The following OSBPL1A variants were observed in gnomAD, a reference collection of about 807,000 sequenced individuals.
OSBPL1A encodes the protein oxysterol-binding protein-related protein 1.
OSBPL1A carries 80 observed loss-of-function variants against 137.1 expected under a neutral mutation model. That is an observed-to-expected ratio of 0.58 (90% CI 0.49 to 0.70). OSBPL1A has a LOEUF of 0.70. Ranked by LOEUF, OSBPL1A falls within the 30% of genes least tolerant of loss-of-function variation. The probability of loss-of-function intolerance (pLI) is 0.00; values close to 1 mark genes in which losing one functional copy is unlikely to be tolerated. For missense variants in OSBPL1A, 970 were observed against 1,129.4 expected (o/e 0.86, Z 2.02); for synonymous variants, 365 against 389.7 (o/e 0.94, Z 0.75).
intron 16 of OSBPL1A, among the ~76,000 whole-genome samples, chr18:24,225,530 A>G (rs906444567): frequency 2.6e-5 from 4 of 152,228 alleles, no homozygotes; most frequent in Admixed American, 1.3e-4. Context: ...TCCCTCACAA[A>G]GCATCTTAAG....
At chr18:24,191,154 A>C (rs1304758249) in intron 18 of OSBPL1A, among the ~76,000 whole-genome samples, 1 of 152,252 alleles carries the variant, frequency 6.6e-6, no homozygotes, top group Non-Finnish European at 1.5e-5. Flanking sequence ...CCAGAGGCCA[A>C]GAAGCCAATG....
intron 2 of OSBPL1A, among the ~76,000 whole-genome samples, chr18:24,372,350 G>A (rs1396991054): frequency 6.6e-6 from 1 of 151,848 alleles, no homozygotes; most frequent in East Asian, 1.9e-4. Context: ...TTGTTTCTGT[G>A]CTGTTGACTT....
chr18:24,387,734 A>G (rs561601107), intron 1 of OSBPL1A, among the ~76,000 whole-genome samples: 11 of 151,840 alleles, frequency 7.2e-5, no homozygotes, highest in African/African-American at 2.7e-4. Context: ...TTTCTCATCT[A>G]AGAACCATCC....
chr18:24,372,447 G>A lies in OSBPL1A; in HGVS notation c.122-4075C>T, dbSNP rs200677779. 2.6e-5 allele frequency among the ~76,000 whole-genome samples: 4 copies of A among 152,230 alleles called. No individual in the cohort carries two copies. In the East Asian group the frequency reaches 7.7e-4, roughly 29 times the overall value. ...TTCCTCAATGCTCAGAAAGCACAAA[G>A]CTGAACTCACCTGTCGTCCTCCGTA... On this transcript the variant is annotated intron_variant, in intron 2 of 27. Coordinates refer to ENST00000319481, the MANE Select transcript of OSBPL1A (RefSeq NM_080597.4).
At chr18:24,263,621 G>A (rs2089495981) in intron 15 of OSBPL1A, among the ~76,000 whole-genome samples, 1 of 152,008 alleles carries the variant, frequency 6.6e-6, no homozygotes, top group South Asian at 2.1e-4. Context: ...CATAGCATAA[G>A]GTAAAAATAT....
chr18:24,201,661 G>A (rs1267301116), intron 17 of OSBPL1A, among the ~76,000 whole-genome samples: 1 of 152,110 alleles, frequency 6.6e-6, no homozygotes, highest in Admixed American at 6.5e-5. Flanking sequence ...TACTCGGGAG[G>A]CTGAGGCAGG....
intron 12 of OSBPL1A, among the ~76,000 whole-genome samples, chr18:24,313,108 A>C (rs1439774563): frequency 6.6e-6 from 1 of 151,256 alleles, no homozygotes; most frequent in Non-Finnish European, 1.5e-5. Context: ...TGGGTGACAG[A>C]GCAAGGGAGG....
At chr18:24,319,379 C>A (rs1040825494) in intron 7 of OSBPL1A, among the ~76,000 whole-genome samples, 9 of 152,174 alleles carry the variant, frequency 5.9e-5, no homozygotes, top group Non-Finnish European at 1.0e-4. Flanking sequence ...TCTCAAGATA[C>A]CTAACTAATC....
intron 15 of OSBPL1A, among the ~76,000 whole-genome samples, chr18:24,248,968 G>A (rs956410348): frequency 6.6e-6 from 1 of 152,188 alleles, no homozygotes; most frequent in South Asian, 2.1e-4. Context: ...TAAGATGAAC[G>A]CGTCTTCTGA....
chr18:24,179,878 C>A (rs370820162), intron 19 of OSBPL1A, 43 bp from the exon 20 acceptor site: 1 of 1,506,128 alleles, frequency 6.6e-7, no homozygotes, highest in Admixed American at 1.7e-5. Flanking sequence ...TAGCCGAGCT[C>A]GCTCCGCATT....
At chr18:24,357,418 C>T (rs367580472) in intron 4 of OSBPL1A, 3 of 152,220 alleles carry the variant, frequency 2.0e-5, no homozygotes, top group East Asian at 3.9e-4. Context: ...ATTAGATATG[C>T]ATTTGCGTGT....
intron 24 of OSBPL1A, 103 bp from the exon 25 acceptor site, chr18:24,167,548 T>C: frequency 1.1e-6 from 1 of 931,680 alleles, no homozygotes; most frequent in Non-Finnish European, 1.8e-6. Flanking sequence ...GTAAATATGA[T>C]GGCAGTCCCC....
At chr18:24,367,421 T>C (rs534826798) in intron 3 of OSBPL1A, 1 of 152,216 alleles carries the variant, frequency 6.6e-6, no homozygotes, top group Non-Finnish European at 1.5e-5. Flanking sequence ...GTGGGCGGAT[T>C]GCTTGTGCTC....
chr18:24,283,299 T>TATAC, intron 14 of OSBPL1A, among the ~76,000 whole-genome samples: 1 of 116,904 alleles, frequency 8.6e-6, no homozygotes, highest in Non-Finnish European at 1.9e-5. Flanking sequence ...TATATATATA[T>TATAC]ATATGTATAT....
chr18:24,372,190 AC>A (rs943214705), intron 2 of OSBPL1A, among the ~76,000 whole-genome samples: 2 of 151,694 alleles, frequency 1.3e-5, no homozygotes, highest in Non-Finnish European at 2.9e-5. Context: ...TGGGAGGATC[AC>A]TTGAGCCTGG....
In OSBPL1A at chr18:24,337,375, TTAACA is replaced by T. The variant is rs71375133; in HGVS notation, c.395-3050_395-3046del. The stretch of plus-strand genomic sequence containing the variant: ...AGTAATACATAATATAAACATAACA[TTAACA>T]TAACATAACATAACATAACATAACA... On this transcript the variant is annotated intron_variant, in intron 5 of 27. Coordinates refer to ENST00000319481, the MANE Select transcript of OSBPL1A (RefSeq NM_080597.4). Among the ~76,000 whole-genome samples, 668 of 141,398 alleles carry T rather than the reference TTAACA, an allele frequency of 4.7e-3. 2 individuals carry two copies. Among genetic ancestry groups the T allele is most frequent in the Middle Eastern group, 0.014 (4 of 278 alleles). 92.8% of individuals were successfully genotyped at this position (141,398 alleles called of 152,430 possible).
At chr18:24,331,636 T>A (rs972389327) in intron 7 of OSBPL1A, among the ~76,000 whole-genome samples, 1 of 150,628 alleles carries the variant, frequency 6.6e-6, no homozygotes, top group Non-Finnish European at 1.5e-5. Flanking sequence ...GACCTCGTGA[T>A]CCGCCCGCCT....
At chr18:24,323,539 C>CTTTTTTTTTTT (rs763234169) in intron 7 of OSBPL1A, among the ~76,000 whole-genome samples, 5 of 35,154 alleles carry the variant, frequency 1.4e-4, no homozygotes, top group African/African-American at 1.2e-3. Context: ...GAGGCTTTTT[C>CTTTTTTTTTTT]TTTTTTTTTT....
intron 14 of OSBPL1A, among the ~76,000 whole-genome samples, chr18:24,298,435 C>G (rs1304416930): frequency 6.6e-6 from 1 of 152,180 alleles, no homozygotes; most frequent in Non-Finnish European, 1.5e-5. Context: ...CAACCTCTAC[C>G]CCCCGGGTTC....
Sources: gnomAD v4.1 joint callset for allele counts (sites outside exome capture counted in the v4.1 genomes callset) on GRCh38, gnomAD v4.1.1 for gene constraint, MANE v1.5 for transcripts, NCBI Gene and HGNC (gene_info 2026-07-23, HGNC 2026-07-21) for gene names.